The following SSH2 variants were observed in gnomAD, a reference collection of about 807,000 sequenced individuals.
SSH2 encodes protein phosphatase Slingshot homolog 2.
In SSH2, 37 loss-of-function variants were observed where a neutral mutation model predicts 135.2. The observed-to-expected ratio is 0.27, with a 90% confidence interval of 0.21 to 0.36. SSH2 has a LOEUF of 0.36. Among genes scored for constraint, SSH2 ranks in the 10% least tolerant of loss-of-function variants. The pLI is 1.00. For missense variants in SSH2, 1,408 were observed against 1,765.3 expected (o/e 0.80, Z 3.63); for synonymous variants, 628 against 646.2 (o/e 0.97, Z 0.43).
chr17:29,832,664 T>C (rs2042868745), intron 2 of SSH2, among the ~76,000 whole-genome samples: 1 of 152,050 alleles, frequency 6.6e-6, no homozygotes, highest in Non-Finnish European at 1.5e-5. Flanking sequence ...TTTTTTTTGG[T>C]TTTCCAGTTT....
At chr17:29,849,636 T>C (rs911524185) in intron 1 of SSH2, among the ~76,000 whole-genome samples, 1 of 151,648 alleles carries the variant, frequency 6.6e-6, no homozygotes, top group African/African-American at 2.4e-5. Flanking sequence ...GAATATAGCA[T>C]AGGGCCTGAT....
intron 3 of SSH2, among the ~76,000 whole-genome samples, chr17:29,720,181 C>T (rs983363101): frequency 3.9e-5 from 6 of 152,288 alleles, no homozygotes; most frequent in African/African-American, 1.4e-4. Context: ...TAGTGTTATC[C>T]ACCAATGTAC....
At chr17:29,887,851 G>T (rs891430368) in intron 1 of SSH2, among the ~76,000 whole-genome samples, 3 of 152,164 alleles carry the variant, frequency 2.0e-5, no homozygotes, top group African/African-American at 4.8e-5. Context: ...TTAATGTGAA[G>T]AAAACATTTC....
Position 29,630,989 on chromosome 17 carries a change from A to G in SSH2, c.4205T>C (p.Leu1402Pro), listed in dbSNP as rs748267266. 20 of 1,613,786 alleles carry G rather than the reference A, an allele frequency of 1.2e-5. No homozygotes were observed. The highest frequency in any genetic ancestry group is 1.3e-5 in the African/African-American group (1 of 74,930). The change falls in exon 16 of 16, where the codon CTA becomes CCA. Residue 1402 changes from leucine (L) to proline (P), a missense_variant. By Grantham distance (98) the Leu-to-Pro change is moderately conservative. Transcript: ENST00000540801. ...LTSSEGGLPV[L>P]QTQGLQCACP... Reference sequence around the variant, plus strand: ...TGCACACTGCAGTCCCTGGGTCTGTAGCACGGGAAGGCCTCCTTCAGAACT... The same window carrying G: ...TGCACACTGCAGTCCCTGGGTCTGTGGCACGGGAAGGCCTCCTTCAGAACT...
intron 11 of SSH2, among the ~76,000 whole-genome samples, chr17:29,665,368 A>G (rs551935434): frequency 6.6e-6 from 1 of 152,344 alleles, no homozygotes; most frequent in South Asian, 2.1e-4. Context: ...TAGCTAATAT[A>G]CCACTATGAA....
chr17:29,676,970 T>G (rs2037748490), intron 7 of SSH2, 85 bp from the exon 8 acceptor site: 1 of 1,117,352 alleles, frequency 8.9e-7, no homozygotes, highest in East Asian at 2.4e-5. Context: ...TATCCCAGGC[T>G]AAAAACAACT....
chr17:29,655,679 G>T, intron 11 of SSH2, 72 bp from the exon 12 acceptor site: 1 of 1,404,822 alleles, frequency 7.1e-7, no homozygotes, highest in Non-Finnish European at 1.0e-6. Context: ...AGGAGCGAGA[G>T]AAGAAGAACT....
At position 29,631,405 on chromosome 17, in the gene SSH2, T is replaced by C. The variant is rs2035662819; in HGVS notation, c.3789A>G (p.Lys1263=). The C allele has an allele frequency of 6.2e-7, 1 of 1,614,188 alleles. No individual in the cohort carries two copies. Residue 1263 remains lysine, a synonymous_variant, in exon 16 of 16, where the codon AAA becomes AAG. Transcript: ENST00000540801. ...GGAAAACCACTCGAGACTCGATTTC[T>C]TTAGCACGCTCCTTCACCACACCGG... The part of the protein sequence containing the change: ...HSPGVVKERA[K]EIESRVVFQA...
chr17:29,742,819 G>T (rs1447506848), intron 3 of SSH2, among the ~76,000 whole-genome samples: 1 of 151,788 alleles, frequency 6.6e-6, no homozygotes. Context: ...TTTTTTAGTA[G>T]AGACGGGGTT....
chr17:29,837,031 C>T (rs184703499), intron 2 of SSH2, among the ~76,000 whole-genome samples: 3 of 152,160 alleles, frequency 2.0e-5, no homozygotes, highest in East Asian at 1.9e-4. Flanking sequence ...CCGAGGAGGG[C>T]GGATCACTTG....
chr17:29,649,485 C>T (rs1188974974), intron 13 of SSH2, among the ~76,000 whole-genome samples: 6 of 151,908 alleles, frequency 3.9e-5, no homozygotes, highest in South Asian at 2.1e-4. Context: ...TGGGCTCAAG[C>T]GATCCTCCCA....
Position 29,631,300 on chromosome 17 carries a change from G to A in SSH2, c.3894C>T (p.Asp1298=). Residue 1298 remains aspartate (D), a synonymous_variant, in exon 16 of 16, where the codon GAC becomes GAT. Coordinates refer to ENST00000540801, the MANE Select transcript of SSH2 (RefSeq NM_001282129.2). ...AKLGYLDLCK[D]CLPEREPASC... ...AGGCAGGCTCCCTCTCTGGTAAGCA[G>A]TCTTTACAGAGGTCCAAGTAACCTA... 3 of 1,614,172 alleles carry A rather than the reference G, an allele frequency of 1.9e-6. No individual in the cohort carries two copies. Among genetic ancestry groups the A allele is most frequent in the Non-Finnish European group, 2.5e-6 (3 of 1,180,048 alleles).
At chr17:29,720,981 G>T (rs938880493) in intron 3 of SSH2, among the ~76,000 whole-genome samples, 5 of 152,112 alleles carry the variant, frequency 3.3e-5, no homozygotes, top group Non-Finnish European at 5.9e-5. Context: ...CACTCTACTG[G>T]TTTCTTGCAA....
At position 29,628,968 on chromosome 17, in the gene SSH2, T is replaced by C. The variant is rs2035576385; in HGVS notation, c.*1873A>G. The C allele has an allele frequency of 6.6e-6, 1 of 152,470 alleles. No homozygotes were observed. The highest frequency in any genetic ancestry group is 1.5e-5 in the Non-Finnish European group (1 of 68,098). The allele number at this position is 152,470 out of a possible 1,614,324, so 9.4% of individuals were successfully genotyped here. On this transcript the variant is annotated 3_prime_UTR_variant, in exon 16 of 16. Coordinates refer to ENST00000540801, the MANE Select transcript of SSH2 (RefSeq NM_001282129.2). ...CACCAAACTCTGGCCTCTGACATCA[T>C]GCTGACAGTCTGTGCATTTGTATTT...
At chr17:29,783,325 T>C (rs1042297985) in intron 3 of SSH2, among the ~76,000 whole-genome samples, 5 of 146,752 alleles carry the variant, frequency 3.4e-5, no homozygotes, top group African/African-American at 1.2e-4. Flanking sequence ...ATATTATATA[T>C]ATATATATAT....
intron 2 of SSH2, among the ~76,000 whole-genome samples, chr17:29,800,620 TTAAA>T (rs1479731796): frequency 1.3e-5 from 2 of 151,694 alleles, no homozygotes; most frequent in African/African-American, 2.4e-5. Context: ...AATATCTAAA[TTAAA>T]TAATTAAATA....
rs545326396 is a variant in SSH2 at position 29,844,391 on chromosome 17, T to C, written c.144+4458A>G. Reference sequence around the variant, plus strand: ...AAATAGCCCTACAATGGTAAATGAATCCAGTTGTTCCTAGGAGACCACCCA... The same window carrying C: ...AAATAGCCCTACAATGGTAAATGAACCCAGTTGTTCCTAGGAGACCACCCA... On this transcript the variant is annotated intron_variant, in intron 2 of 15. Transcript: ENST00000540801. Among the ~76,000 whole-genome samples, 26 of 152,256 alleles carry C rather than the reference T, an allele frequency of 1.7e-4. 2 individuals are homozygous for C. The East Asian group carries it at 3.3e-3, about 19-fold the overall frequency.
rs376316249 is a variant in SSH2, at chr17:29,632,357, G to C, written c.2837C>G (p.Pro946Arg). 3.1e-6 allele frequency: 5 copies of C among 1,613,782 alleles called. No individual in the cohort carries two copies. In the African/African-American group the frequency reaches 6.7e-5, roughly 22 times the overall value. Residue 946 changes from proline (P) to arginine (R), a missense_variant, in exon 16 of 16, where the codon CCA (proline) becomes CGA (arginine). Physicochemically the swap from Pro to Arg is moderately radical, Grantham distance 103. Coordinates refer to ENST00000540801, the MANE Select transcript of SSH2 (RefSeq NM_001282129.2). The part of the protein sequence containing the change: ...APKGKSDEAP[P>R]EHSFVLKEPE... ...TTCCTTGAGGACAAATGAATGTTCT[G>C]GGGGGGCTTCATCACTTTTCCCTTT...
At chr17:29,694,401 T>C (rs2038630008) in intron 5 of SSH2, among the ~76,000 whole-genome samples, 1 of 152,226 alleles carries the variant, frequency 6.6e-6, no homozygotes, top group Non-Finnish European at 1.5e-5. Flanking sequence ...CTGGGCACTG[T>C]GGCTCACGCC....
Sources: gnomAD v4.1 joint callset for allele counts (sites outside exome capture counted in the v4.1 genomes callset) on GRCh38, gnomAD v4.1.1 for gene constraint, MANE v1.5 for transcripts, NCBI Gene and HGNC (gene_info 2026-07-23, HGNC 2026-07-21) for gene names.